NUP58: variants seen among roughly 807,000 people sequenced by gnomAD.
NUP58 encodes nucleoporin 58.
In NUP58, 17 loss-of-function variants were observed where a neutral mutation model predicts 70.1. The observed-to-expected ratio is 0.24, with a 90% confidence interval of 0.17 to 0.36. The LOEUF (loss-of-function observed/expected upper bound fraction) is 0.36, where lower values mean the gene tolerates loss of function less well. NUP58 is among the 10% of genes least tolerant of loss of function. The probability of loss-of-function intolerance (pLI) is 1.00; values close to 1 mark genes in which losing one functional copy is unlikely to be tolerated. For missense variants in NUP58, 644 were observed against 701.5 expected (o/e 0.92, Z 0.93); for synonymous variants, 275 against 257.6 (o/e 1.07, Z -0.65).
In NUP58 at chr13:25,321,055, A is replaced by G. The variant is rs779183330; in HGVS notation, c.913A>G (p.Thr305Ala). ...GGCTGCCAATGGAATACAGAGAAAC[A>G]CTCTCAACATTGACAAATTGAAAAT... is the stretch of plus-strand genomic sequence containing the variant. ...SLAANGIQRN[T>A]LNIDKLKIET... is the part of the protein sequence containing the mutation. Residue 305 changes from threonine to alanine, a missense_variant, in exon 9 of 16, where the codon ACT (threonine) becomes GCT (alanine). Thr to Ala is a moderately conservative substitution (Grantham distance 58). Coordinates refer to ENST00000381736, the MANE Select transcript of NUP58 (RefSeq NM_014089.4). 4 of 1,591,670 alleles carry G rather than the reference A, an allele frequency of 2.5e-6. No individual in the cohort carries two copies. Among genetic ancestry groups the G allele is most frequent in the Non-Finnish European group, 3.4e-6 (4 of 1,172,782 alleles).
Position 25,331,357 on chromosome 13 carries a change from G to C in NUP58, c.1234G>C (p.Val412Leu), listed in dbSNP as rs141902069. 157 of 1,613,538 alleles carry C rather than the reference G, an allele frequency of 9.7e-5. 2 individuals carry two copies. The South Asian group carries it at 1.7e-3, about 17-fold the overall frequency. ...QLQSIHENVK[V>L]LKEQYLGYRK... is the part of the protein sequence containing the mutation. ...GCCGTTTTGTTTATTATTCTTTTAGGTTCTGAAAGAACAGTACCTTGGCTA... is the reference window on the plus strand; with the variant it reads ...GCCGTTTTGTTTATTATTCTTTTAGCTTCTGAAAGAACAGTACCTTGGCTA... The change falls in exon 13 of 16, where the codon GTT (valine) becomes CTT (leucine). Residue 412 changes from valine to leucine, a missense_variant and splice_region_variant. This residue lies in a region of NUP58 where 78 missense variants were observed against 71.3 expected (regional missense o/e 1.09). Transcript: ENST00000381736.
intron 6 of NUP58, among the ~76,000 whole-genome samples, chr13:25,318,725 A>G (rs2031050498): frequency 1.3e-5 from 2 of 152,198 alleles, no homozygotes; most frequent in African/African-American, 4.8e-5. Flanking sequence ...ATAACTGGCA[A>G]GGTTTTTTAT....
chr13:25,314,522 C>T lies in NUP58; in HGVS notation c.574+771C>T, dbSNP rs942189704. On this transcript the variant is annotated intron_variant, in intron 5 of 15. Coordinates refer to ENST00000381736, the MANE Select transcript of NUP58 (RefSeq NM_014089.4). ...ACCAGCCTGACCAACATGGTGAAAC[C>T]GCATCTCTACTAAAAATACAAAATT... Among the ~76,000 whole-genome samples the T allele has an allele frequency of 5.3e-5, 8 of 151,932 alleles. No individual in the cohort carries two copies. The South Asian group carries it at 6.2e-4, about 12-fold the overall frequency.
chr13:25,344,409 C>A (rs989673654), downstream of NUP58, among the ~76,000 whole-genome samples: 1 of 152,080 alleles, frequency 6.6e-6, no homozygotes, highest in African/African-American at 2.4e-5. Context: ...TAGTGTAACC[C>A]CTGACACCTG....
intron 9 of NUP58, 152 bp downstream of exon 9, chr13:25,321,245 G>A: frequency 3.2e-6 from 2 of 626,124 alleles, no homozygotes; most frequent in Non-Finnish European, 5.3e-6. Flanking sequence ...CTTTAATAAT[G>A]AGTTTTTATT....
chr13:25,346,490 T>C (rs921301839), downstream of NUP58, among the ~76,000 whole-genome samples: 1 of 151,820 alleles, frequency 6.6e-6, no homozygotes, highest in Non-Finnish European at 1.5e-5. Context: ...GAGGCTGAGG[T>C]GGGCAGATCA....
chr13:25,343,700 GC>G (rs1413986898), downstream of NUP58, among the ~76,000 whole-genome samples: 2 of 151,418 alleles, frequency 1.3e-5, no homozygotes, highest in Non-Finnish European at 2.9e-5. Flanking sequence ...CAGGTAATCT[GC>G]CCGCCTCGGC....
chr13:25,311,158 T>C (rs1242644781), intron 3 of NUP58, among the ~76,000 whole-genome samples: 3 of 152,166 alleles, frequency 2.0e-5, no homozygotes, highest in African/African-American at 7.2e-5. Context: ...AAAAGCGTTC[T>C]GGGAAATATG....
Position 25,340,609 on chromosome 13 carries a change from C to T in NUP58, c.*475C>T, listed in dbSNP as rs967851058. 1.3e-5 allele frequency: 2 copies of T among 152,366 alleles called. No individual in the cohort carries two copies. The highest frequency in any genetic ancestry group is 4.8e-5 in the African/African-American group (2 of 41,558). 9.4% of individuals were successfully genotyped at this position (152,366 alleles called of 1,614,324 possible). ...GTAAATATATACAGAATAATACACA[C>T]AGTTGTGTGTGCATATAAAATACAT... On this transcript the variant is annotated 3_prime_UTR_variant, in exon 16 of 16. Transcript: ENST00000381736.
At chr13:25,332,328 T>C (rs2031637892) in intron 13 of NUP58, 1 of 985,454 alleles carries the variant, frequency 1.0e-6, no homozygotes, top group Non-Finnish European at 1.2e-6. Flanking sequence ...TACAGTGTTT[T>C]ATTTGGTCCT....
intron 1 of NUP58, among the ~76,000 whole-genome samples, chr13:25,307,378 G>A (rs1346708554): frequency 4.0e-5 from 6 of 151,818 alleles, no homozygotes; most frequent in Non-Finnish European, 8.8e-5. Context: ...ACCACACCTG[G>A]CTAATTTTTG....
intron 1 of NUP58, chr13:25,303,297 G>A (rs182233387): frequency 7.0e-5 from 25 of 359,022 alleles, no homozygotes; most frequent in South Asian, 5.4e-4. Flanking sequence ...CATCTTGAGC[G>A]GGACTCATCT....
chr13:25,327,587 C>T (rs1393116399), intron 12 of NUP58, 75 bp downstream of exon 12: 12 of 859,428 alleles, frequency 1.4e-5, no homozygotes, highest in Non-Finnish European at 2.2e-5. Flanking sequence ...CAAATGTGTC[C>T]ATGCTTGATA....
intron 11 of NUP58, 70 bp downstream of exon 11, chr13:25,327,104 G>T: frequency 1.2e-6 from 1 of 859,846 alleles, no homozygotes; most frequent in Admixed American, 2.4e-5. Context: ...TATATAATAG[G>T]TATTTTGGAT....
At chr13:25,330,937 T>C (rs2031580632) in intron 12 of NUP58, among the ~76,000 whole-genome samples, 1 of 152,190 alleles carries the variant, frequency 6.6e-6, no homozygotes, top group Non-Finnish European at 1.5e-5. Flanking sequence ...TTCTTTCTTT[T>C]TTTTTTAAAC....
At chr13:25,305,231 C>G (rs1403951105) in intron 1 of NUP58, among the ~76,000 whole-genome samples, 1 of 147,346 alleles carries the variant, frequency 6.8e-6, no homozygotes, top group Non-Finnish European at 1.5e-5. Flanking sequence ...ACAACCTCCA[C>G]CTCCTGGGCT....
intron 6 of NUP58, 108 bp from the exon 7 acceptor site, chr13:25,319,218 C>CTT (rs1270525596): frequency 4.4e-6 from 4 of 909,798 alleles, no homozygotes; most frequent in East Asian, 2.6e-5. Context: ...CAAAGAAATG[C>CTT]TTAACAGTTT....
At chr13:25,336,894 T>G in intron 13 of NUP58, 42 bp from the exon 14 acceptor site, 1 of 1,300,368 alleles carries the variant, frequency 7.7e-7, no homozygotes, top group Non-Finnish European at 1.1e-6. Context: ...TAAGGCAAAT[T>G]TGTTTTTTTT....
In NUP58 at chr13:25,342,025, T is replaced by C. The variant is rs956443964; in HGVS notation, c.*1891T>C. 1.3e-5 allele frequency: 2 copies of C among 152,184 alleles called. No individual in the cohort carries two copies. The highest frequency in any genetic ancestry group is 4.8e-5 in the African/African-American group (2 of 41,444). The allele number at this position is 152,184 out of a possible 1,614,324, so 9.4% of individuals were successfully genotyped here. ...TGGTTGGCTTTTTTGAATTGAAATT[T>C]TTGCGCATTGATGCATTGAAATAAG... On this transcript the variant is annotated 3_prime_UTR_variant, in exon 16 of 16. Coordinates refer to ENST00000381736, the MANE Select transcript of NUP58 (RefSeq NM_014089.4).
Sources: allele counts gnomAD v4.1 joint callset (sites outside exome capture counted in the v4.1 genomes callset), GRCh38; gene constraint gnomAD v4.1.1; regional missense constraint gnomAD v4.1.1; transcripts MANE v1.5; gene names NCBI Gene and HGNC (gene_info 2026-07-23, HGNC 2026-07-21).